Variants in TENT4A observed in about 807,000 individuals in gnomAD.
TENT4A encodes the protein terminal nucleotidyltransferase 4A.
A neutral mutation model predicts 72.8 loss-of-function variants in TENT4A; 7 were observed. The observed-to-expected ratio is 0.10, with a 90% CI of 0.05 to 0.18. The LOEUF (loss-of-function observed/expected upper bound fraction) is 0.18. Among genes scored for constraint, TENT4A ranks in the 10% least tolerant of loss-of-function variants. The pLI, the probability that TENT4A is intolerant of heterozygous loss-of-function variation, is 1.00. For missense variants in TENT4A, 831 were observed against 1,017.7 expected (o/e 0.82, Z 2.50); for synonymous variants, 456 against 434.3 (o/e 1.05, Z -0.62).
chr5:6,728,491 A>G (rs1388030941), intron 1 of TENT4A, among the ~76,000 whole-genome samples: 1 of 152,078 alleles, frequency 6.6e-6, no homozygotes, highest in African/African-American at 2.4e-5. Context: ...GACTTGTAGG[A>G]TAGCTTTTTC....
chr5:6,727,732 A>G (rs1561030065), intron 1 of TENT4A, among the ~76,000 whole-genome samples: 1 of 152,284 alleles, frequency 6.6e-6, no homozygotes, highest in East Asian at 1.9e-4. Flanking sequence ...ATTTCTGCAT[A>G]GCAACTTTTT....
At chr5:6,719,112 CATA>C (rs1740526207) in intron 1 of TENT4A, among the ~76,000 whole-genome samples, 1 of 152,126 alleles carries the variant, frequency 6.6e-6, no homozygotes, top group South Asian at 2.1e-4. Flanking sequence ...ATGTTTGTGA[CATA>C]ATTTTTCAAA....
intron 1 of TENT4A, among the ~76,000 whole-genome samples, chr5:6,732,150 C>G (rs919550414): frequency 3.3e-5 from 5 of 152,344 alleles, no homozygotes; most frequent in African/African-American, 1.2e-4. Context: ...GGGGAGGAGC[C>G]AGCTCTGCCC....
chr5:6,719,447 G>C (rs1298251173), intron 1 of TENT4A, among the ~76,000 whole-genome samples: 2 of 152,212 alleles, frequency 1.3e-5, no homozygotes, highest in Admixed American at 1.3e-4. Flanking sequence ...AAGGTACAGA[G>C]GGGTGGCAGA....
intron 1 of TENT4A, among the ~76,000 whole-genome samples, chr5:6,723,490 T>A (rs1459549677): frequency 6.6e-6 from 1 of 152,214 alleles, no homozygotes; most frequent in African/African-American, 2.4e-5. Context: ...ATTACTCCTG[T>A]TTTGTAGACA....
chr5:6,716,387 C>G (rs568423096), intron 1 of TENT4A, among the ~76,000 whole-genome samples: 1 of 152,326 alleles, frequency 6.6e-6, no homozygotes, highest in Non-Finnish European at 1.5e-5. Context: ...CTCTCACGCT[C>G]TTCGTCACCC....
intron 1 of TENT4A, among the ~76,000 whole-genome samples, chr5:6,722,260 G>A (rs545304474): frequency 1.3e-5 from 2 of 152,300 alleles, no homozygotes; most frequent in East Asian, 3.9e-4. Flanking sequence ...GTTGTCATGC[G>A]AGAGATTAAA....
At chr5:6,724,045 G>T (rs374660558) in intron 1 of TENT4A, among the ~76,000 whole-genome samples, 1 of 152,238 alleles carries the variant, frequency 6.6e-6, no homozygotes, top group Non-Finnish European at 1.5e-5. Flanking sequence ...CTGCACTGGG[G>T]GCTTGACCTG....
chr5:6,723,839 G>C (rs1241063752), intron 1 of TENT4A, among the ~76,000 whole-genome samples: 1 of 152,198 alleles, frequency 6.6e-6, no homozygotes, highest in Admixed American at 6.5e-5. Context: ...TCAGGTTCGT[G>C]CTTTCTTGAG....
chr5:6,738,710 G>C lies in TENT4A; in HGVS notation c.868G>C (p.Gly290Arg), dbSNP rs377710076. Reference protein sequence around the residue: ...DVQIFGSFSTGLYLPTSDIDL... With the variant: ...DVQIFGSFSTRLYLPTSDIDL... ...ACAGATATTTGGCAGCTTTAGTACA[G>C]GTCTTTATCTTCCAACTAGGTGAGT... The change falls in exon 3 of 13, where the codon GGT becomes CGT. Residue 290 changes from glycine (G) to arginine (R), a missense_variant. By Grantham distance (125) the Gly-to-Arg change is moderately radical. Coordinates refer to ENST00000230859, the MANE Select transcript of TENT4A (RefSeq NM_006999.6). 1 of 1,613,428 alleles carries C rather than the reference G, an allele frequency of 6.2e-7. No homozygotes were observed.
intron 1 of TENT4A, 34 bp downstream of exon 1, chr5:6,714,733 G>GGGGCCC (rs1357843394): frequency 2.1e-4 from 241 of 1,144,600 alleles, no homozygotes; most frequent in Non-Finnish European, 2.2e-4. Flanking sequence ...GGGCGGGGGC[G>GGGGCCC]GGGCCCATGG....
intron 4 of TENT4A, among the ~76,000 whole-genome samples, chr5:6,741,068 G>A (rs1741778679): frequency 6.6e-6 from 1 of 152,338 alleles, no homozygotes; most frequent in Non-Finnish European, 1.5e-5. Context: ...GACCACCTTT[G>A]GAGTAGAGGA....
chr5:6,731,134 G>GT (rs985113746), intron 1 of TENT4A, among the ~76,000 whole-genome samples: 1 of 152,140 alleles, frequency 6.6e-6, no homozygotes, highest in East Asian at 1.9e-4. Context: ...CTAAGGTATT[G>GT]TTTTTTTGGG....
At chr5:6,739,965 C>A in intron 4 of TENT4A, 113 bp downstream of exon 4, 1 of 1,055,754 alleles carries the variant, frequency 9.5e-7, no homozygotes, top group Non-Finnish European at 1.4e-6. Flanking sequence ...TTATTGGCTA[C>A]AGTTTTGAAG....
intron 7 of TENT4A, among the ~76,000 whole-genome samples, chr5:6,748,206 A>G (rs1742210456): frequency 1.3e-5 from 2 of 152,236 alleles, no homozygotes; most frequent in Admixed American, 6.5e-5. Flanking sequence ...GTGGGCCATG[A>G]GCACAGGGGC....
chr5:6,755,770 G>C lies in TENT4A; in HGVS notation c.*825G>C, dbSNP rs1177219342. The C allele has an allele frequency of 6.6e-6, 1 of 152,284 alleles. No individual in the cohort carries two copies. The highest frequency in any genetic ancestry group is 1.5e-5 in the Non-Finnish European group (1 of 68,054). 9.4% of individuals were successfully genotyped at this position (152,284 alleles called of 1,614,324 possible). A position where few individuals can be genotyped will look rare whatever the true frequency, so the allele number is the denominator to read the frequency against. On this transcript the variant is annotated 3_prime_UTR_variant, in exon 13 of 13. Coordinates refer to ENST00000230859, the MANE Select transcript of TENT4A (RefSeq NM_006999.6). ...GGGCCCCAGGCCGTTGTCCTGCTCT[G>C]ACCACAGAGTTTTAATGTTTTGGTT...
chr5:6,752,265 A>G (rs1742445781), intron 11 of TENT4A, among the ~76,000 whole-genome samples: 1 of 152,202 alleles, frequency 6.6e-6, no homozygotes, highest in South Asian at 2.1e-4. Flanking sequence ...AAGTCCAGGG[A>G]CGCTGAGGGT....
intron 1 of TENT4A, among the ~76,000 whole-genome samples, chr5:6,722,176 T>C (rs274716): frequency 0.35 from 52,695 of 151,866 alleles, 9,197 homozygotes; most frequent in South Asian, 0.44. Context: ...TGAGCCTCAG[T>C]TTCCCCCCCT....
chr5:6,721,537 G>T (rs1016461885), intron 1 of TENT4A, among the ~76,000 whole-genome samples: 20 of 152,170 alleles, frequency 1.3e-4, no homozygotes, highest in Admixed American at 3.3e-4. Context: ...GAAGTATGGA[G>T]GTGAGTTGTC....
Sources: gnomAD v4.1 joint callset for allele counts (sites outside exome capture counted in the v4.1 genomes callset) on GRCh38, gnomAD v4.1.1 for gene constraint, MANE v1.5 for transcripts, NCBI Gene and HGNC (gene_info 2026-07-23, HGNC 2026-07-21) for gene names.